SLC39A10: variants seen among roughly 807,000 people sequenced by gnomAD.
SLC39A10 encodes the protein solute carrier family 39 member 10.
Under a neutral mutation model 65.1 loss-of-function variants are expected in SLC39A10, and 13 were observed. The observed-to-expected ratio is 0.20, with a 90% CI of 0.13 to 0.32. The LOEUF is 0.32. SLC39A10 is among the 10% of genes least tolerant of loss of function. The probability of loss-of-function intolerance (pLI) is 1.00; values close to 1 mark genes in which losing one functional copy is unlikely to be tolerated. For missense variants in SLC39A10, 831 were observed against 1,018.4 expected, an observed-to-expected ratio of 0.82 and a Z score of 2.50; for synonymous variants, 321 against 342.2, an observed-to-expected ratio of 0.94 and a Z score of 0.68.
intron 2 of SLC39A10, among the ~76,000 whole-genome samples, chr2:195,623,512 A>C (rs1160046377): frequency 6.6e-6 from 1 of 152,218 alleles, no homozygotes; most frequent in African/African-American, 2.4e-5. Flanking sequence ...ACAGTAAACC[A>C]AATACTTACT....
intron 2 of SLC39A10, among the ~76,000 whole-genome samples, chr2:195,620,890 C>G (rs1688335078): frequency 6.6e-6 from 1 of 152,186 alleles, no homozygotes; most frequent in African/African-American, 2.4e-5. Context: ...TTCTTGAAAA[C>G]CTGTCTCTTG....
intron 1 of SLC39A10, among the ~76,000 whole-genome samples, chr2:195,668,516 T>C (rs1171390610): frequency 3.9e-5 from 6 of 152,260 alleles, no homozygotes; most frequent in African/African-American, 9.6e-5. Flanking sequence ...AAGCAACTTA[T>C]AGTATCTTTC....
At chr2:195,645,002 C>T (rs1688884396) in intron 2 of SLC39A10, among the ~76,000 whole-genome samples, 1 of 151,754 alleles carries the variant, frequency 6.6e-6, no homozygotes, top group African/African-American at 2.4e-5. Context: ...CTCTGCCTCC[C>T]AGGTTCAAGC....
chr2:195,621,137 ATC>A (rs1002219776), intron 2 of SLC39A10, among the ~76,000 whole-genome samples: 2 of 152,246 alleles, frequency 1.3e-5, no homozygotes, highest in African/African-American at 2.4e-5. Flanking sequence ...CCTTTCGACT[ATC>A]TGCTGTCTGA....
At chr2:195,614,432 A>G (rs906214651) in intron 2 of SLC39A10, among the ~76,000 whole-genome samples, 5 of 152,180 alleles carry the variant, frequency 3.3e-5, no homozygotes, top group Non-Finnish European at 5.9e-5. Context: ...TTATGGATTC[A>G]TTTCCAATAT....
chr2:195,715,350 AC>A (rs1449212411), intron 6 of SLC39A10, among the ~76,000 whole-genome samples: 9 of 151,528 alleles, frequency 5.9e-5, no homozygotes, highest in African/African-American at 1.7e-4. Flanking sequence ...ATATGGTGAA[AC>A]CCCGTCTCTA....
chr2:195,700,203 A>G (rs1691124162), intron 3 of SLC39A10, among the ~76,000 whole-genome samples: 1 of 152,054 alleles, frequency 6.6e-6, no homozygotes, highest in South Asian at 2.1e-4. Flanking sequence ...GGAGAGTTTA[A>G]TCCATTTACA....
intron 2 of SLC39A10, among the ~76,000 whole-genome samples, chr2:195,632,808 C>A (rs1277414451): frequency 6.6e-6 from 1 of 152,090 alleles, no homozygotes; most frequent in African/African-American, 2.4e-5. Flanking sequence ...TTCAGAGTTC[C>A]TTTAAATTAA....
intron 8 of SLC39A10, among the ~76,000 whole-genome samples, chr2:195,720,264 C>T (rs1691981383): frequency 6.6e-6 from 1 of 152,112 alleles, no homozygotes; most frequent in African/African-American, 2.4e-5. Flanking sequence ...TGGATGTAAA[C>T]CATTTCTTTT....
chr2:195,659,143 C>CT (rs1490773272), intron 1 of SLC39A10, among the ~76,000 whole-genome samples: 1 of 152,084 alleles, frequency 6.6e-6, no homozygotes, highest in Non-Finnish European at 1.5e-5. Flanking sequence ...AAATCTTTTT[C>CT]TTTTTTTACC....
At chr2:195,650,059 G>A (rs1251640804) in intron 2 of SLC39A10, among the ~76,000 whole-genome samples, 3 of 152,066 alleles carry the variant, frequency 2.0e-5, no homozygotes, top group African/African-American at 4.8e-5. Context: ...AAGTTCTTCC[G>A]GTTTCAAGGC....
chr2:195,643,993 T>G (rs953468619), intron 2 of SLC39A10, among the ~76,000 whole-genome samples: 3 of 152,328 alleles, frequency 2.0e-5, no homozygotes, highest in Middle Eastern at 3.4e-3. Flanking sequence ...ATTGCACATA[T>G]GCAGTAAATA....
In SLC39A10 at chr2:195,713,512, A is replaced by G. The variant is rs767267494; in HGVS notation, c.1655A>G (p.Asn552Ser). 1.3e-6 allele frequency: 2 copies of G among 1,585,080 alleles called. No individual in the cohort carries two copies. The highest frequency in any genetic ancestry group is 1.4e-5 in the African/African-American group (1 of 72,924). ...GRKLSDHKLNNTPDSDWLQLK... is the reference protein window; with the variant it reads ...GRKLSDHKLNSTPDSDWLQLK... Reference sequence around the variant, plus strand: ...AAGCTTTCAGATCACAAGTTAAACAATACACCAGATTCTGACTGGCTTCAA... The same window carrying G: ...AAGCTTTCAGATCACAAGTTAAACAGTACACCAGATTCTGACTGGCTTCAA... Residue 552 changes from asparagine to serine, a missense_variant, in exon 6 of 10, where the codon AAT becomes AGT. Around this residue, in one of 4 missense-constraint regions of SLC39A10, gnomAD observed 230 missense variants for 242.9 expected, o/e 0.95. Transcript: ENST00000359634.
At chr2:195,710,785 G>C (rs147948282) in intron 5 of SLC39A10, among the ~76,000 whole-genome samples, 2 of 152,324 alleles carry the variant, frequency 1.3e-5, no homozygotes, top group East Asian at 3.9e-4. Context: ...GTTCAACTTA[G>C]AGAAAAGTAA....
intron 4 of SLC39A10, among the ~76,000 whole-genome samples, chr2:195,708,325 G>T (rs901525776): frequency 4.6e-5 from 7 of 152,122 alleles, no homozygotes; most frequent in African/African-American, 1.4e-4. Context: ...TAAATATTTG[G>T]CATGTAAGTA....
chr2:195,693,248 G>A (rs1342349798), intron 3 of SLC39A10, among the ~76,000 whole-genome samples: 1 of 152,100 alleles, frequency 6.6e-6, no homozygotes, highest in Non-Finnish European at 1.5e-5. Context: ...GAGGACTTTT[G>A]CATCTGTGTT....
At chr2:195,696,449 A>G (rs1414496213) in intron 3 of SLC39A10, among the ~76,000 whole-genome samples, 2 of 152,194 alleles carry the variant, frequency 1.3e-5, no homozygotes, top group African/African-American at 4.8e-5. Flanking sequence ...GCATGTGCAG[A>G]TTCAACCAAC....
At chr2:195,693,055 A>G (rs1359676496) in intron 3 of SLC39A10, among the ~76,000 whole-genome samples, 1 of 152,192 alleles carries the variant, frequency 6.6e-6, no homozygotes, top group Admixed American at 6.5e-5. Context: ...ATTTTGTCAA[A>G]TGCTTTTTCT....
intron 1 of SLC39A10, among the ~76,000 whole-genome samples, chr2:195,665,051 C>T (rs1301363259): frequency 4.6e-5 from 7 of 152,054 alleles, no homozygotes; most frequent in Admixed American, 2.6e-4. Flanking sequence ...AGGTCGGGCA[C>T]GGTGGCTCAC....
Sources: allele counts gnomAD v4.1 joint callset (sites outside exome capture counted in the v4.1 genomes callset), GRCh38; gene constraint gnomAD v4.1.1; regional missense constraint gnomAD v4.1.1; transcripts MANE v1.5; gene names NCBI Gene and HGNC (gene_info 2026-07-23, HGNC 2026-07-21).